The following MN1 variants were observed in gnomAD, a reference collection of about 807,000 sequenced individuals.
MN1 encodes the protein MN1 proto-oncogene, transcriptional regulator.
Under a neutral mutation model 86.9 loss-of-function variants are expected in MN1, and 19 were observed. The observed-to-expected ratio is 0.22, with a 90% confidence interval of 0.15 to 0.32. MN1 has a LOEUF of 0.32. Ranked by LOEUF, MN1 falls within the 10% of genes least tolerant of loss-of-function variation. MN1 has a pLI of 1.00. For synonymous variants in MN1, 928 were observed against 849.6 expected (o/e 1.09, Z -1.60); for missense variants, 1,841 against 1,862.0 (o/e 0.99, Z 0.21).
At chr22:27,785,402 GTCC>G (rs1933114971) in intron 1 of MN1, among the ~76,000 whole-genome samples, 1 of 152,178 alleles carries the variant, frequency 6.6e-6, no homozygotes, top group Non-Finnish European at 1.5e-5. Context: ...CACCAAAGGA[GTCC>G]TCCCCCACAT....
intron 1 of MN1, among the ~76,000 whole-genome samples, chr22:27,769,872 T>A (rs1330385977): frequency 1.3e-5 from 2 of 150,438 alleles, no homozygotes; most frequent in Non-Finnish European, 1.5e-5. Flanking sequence ...AATTTTTTTT[T>A]AATCATCTGC....
intron 1 of MN1, among the ~76,000 whole-genome samples, chr22:27,770,088 C>T (rs895159958): frequency 3.3e-5 from 5 of 152,196 alleles, no homozygotes; most frequent in Admixed American, 2.6e-4. Flanking sequence ...GCACTGACCA[C>T]GCACAGTTTC....
At chr22:27,780,428 G>A (rs977293228) in intron 1 of MN1, among the ~76,000 whole-genome samples, 2 of 152,170 alleles carry the variant, frequency 1.3e-5, no homozygotes, top group Non-Finnish European at 2.9e-5. Flanking sequence ...TGGCTCCAGG[G>A]TGCCGGAGCC....
intron 1 of MN1, among the ~76,000 whole-genome samples, chr22:27,764,327 G>C (rs1371324284): frequency 6.6e-6 from 1 of 152,160 alleles, no homozygotes; most frequent in Admixed American, 6.5e-5. Flanking sequence ...CCATGGGAAC[G>C]GTACCTTGAG....
At position 27,798,418 on chromosome 22, in the gene MN1, A is replaced by T; in HGVS notation, c.2126T>A (p.Leu709Gln). Residue 709 changes from leucine to glutamine, a missense_variant, in exon 1 of 2, where the codon CTG (leucine) becomes CAG (glutamine). Coordinates refer to ENST00000302326, the MANE Select transcript of MN1 (RefSeq NM_002430.3). The stretch of plus-strand genomic sequence containing the variant: ...CGCCCCGGGCGACTGCAGCTGACCC[A>T]GGCCTCCCAGACTGCCCCCGAACTG... ...GLQFGGSLGG[L>Q]GQLQSPGAGV... 1.3e-6 allele frequency: 2 copies of T among 1,539,724 alleles called. No individual in the cohort carries two copies. The highest frequency in any genetic ancestry group is 8.7e-7 in the Non-Finnish European group (1 of 1,152,182).
intron 1 of MN1, among the ~76,000 whole-genome samples, chr22:27,791,574 C>T (rs923199570): frequency 3.3e-5 from 5 of 152,018 alleles, no homozygotes; most frequent in African/African-American, 9.7e-5. Context: ...CCACCCCCTC[C>T]GACAAACAGA....
rs1253285822 is a variant in MN1 at position 27,799,576 on chromosome 22, A to G, written c.968T>C (p.Met323Thr). The change falls in exon 1 of 2, where the codon ATG (methionine) becomes ACG (threonine). Residue 323 changes from methionine (M) to threonine (T), a missense_variant. Met to Thr is a moderately conservative substitution (Grantham distance 81, BLOSUM62 -1). Transcript: ENST00000302326. ...CACTGAGGGCTCCAGACCCACAGGCATCTTTCTGGCCCCACTGAACCTCTC... is the reference window on the plus strand; with the variant it reads ...CACTGAGGGCTCCAGACCCACAGGCGTCTTTCTGGCCCCACTGAACCTCTC... ...FFERFSGARK[M>T]PVGLEPSVGS... The G allele has an allele frequency of 2.6e-5, 39 of 1,500,572 alleles. No individual in the cohort carries two copies. Among genetic ancestry groups the G allele is most frequent in the Non-Finnish European group, 3.4e-5 (38 of 1,122,172 alleles). The allele number at this position is 1,500,572 out of a possible 1,614,324, so 93.0% of individuals were successfully genotyped here.
At chr22:27,791,328 A>G (rs1933208317) in intron 1 of MN1, among the ~76,000 whole-genome samples, 1 of 152,118 alleles carries the variant, frequency 6.6e-6, no homozygotes, top group Non-Finnish European at 1.5e-5. Flanking sequence ...GCACTCATGT[A>G]TACATCAACA....
At chr22:27,793,278 A>G (rs777672713) in intron 1 of MN1, among the ~76,000 whole-genome samples, 4 of 151,982 alleles carry the variant, frequency 2.6e-5, no homozygotes, top group Non-Finnish European at 5.9e-5. Flanking sequence ...ATTATCTATA[A>G]TCTATCATTA....
intron 1 of MN1, among the ~76,000 whole-genome samples, chr22:27,789,316 T>C (rs1933181253): frequency 6.6e-6 from 1 of 152,206 alleles, no homozygotes; most frequent in African/African-American, 2.4e-5. Context: ...CCCTAAACTA[T>C]TTCCCAACAC....
At chr22:27,775,171 AGCGGTAGCT>A (rs1427389233) in intron 1 of MN1, among the ~76,000 whole-genome samples, 1 of 152,194 alleles carries the variant, frequency 6.6e-6, no homozygotes, top group Non-Finnish European at 1.5e-5. Context: ...ATGGGTCCAC[AGCGGTAGCT>A]GCTTCACAGC....
Position 27,797,860 on chromosome 22 carries a change from C to T in MN1, c.2684G>A (p.Gly895Glu). 1.3e-6 allele frequency: 2 copies of T among 1,584,432 alleles called. No individual in the cohort carries two copies. The highest frequency in any genetic ancestry group is 2.2e-5 in the East Asian group (1 of 44,552). ...PGAPGPGGPS[G>E]TSSSGSKASG... ...GGCTTTGGAGCCGCTGCTACTGGTC[C>T]CGGACGGGCCTCCGGGTCCTGGGGC... The change falls in exon 1 of 2, where the codon GGG (glycine) becomes GAG (glutamate). Residue 895 changes from glycine to glutamate, a missense_variant. Gly to Glu is a moderately conservative substitution (Grantham distance 98, BLOSUM62 -2). Transcript: ENST00000302326.
At chr22:27,782,332 C>G (rs1254044089) in intron 1 of MN1, among the ~76,000 whole-genome samples, 3 of 152,212 alleles carry the variant, frequency 2.0e-5, no homozygotes, top group Non-Finnish European at 4.4e-5. Context: ...CGGCCCCGCC[C>G]TATGACATTG....
In MN1 at chr22:27,797,159, TGCCCGGATG is replaced by T. The variant is rs757243759; in HGVS notation, c.3376_3384del (p.His1126_Gly1128del). 6 of 1,563,826 alleles carry T rather than the reference TGCCCGGATG, an allele frequency of 3.8e-6. No homozygotes were observed. Among genetic ancestry groups the T allele is most frequent in the Non-Finnish European group, 5.2e-6 (6 of 1,157,624 alleles). On this transcript the variant is annotated inframe_deletion, in exon 1 of 2. Coordinates refer to ENST00000302326, the MANE Select transcript of MN1 (RefSeq NM_002430.3). ...GTGCGGACCTGCTCCAGGCCCGGAG[TGCCCGGATG>T]GCCCGGGCCCCCACCGCCGCCGTAG...
rs1187843456 is a variant in MN1, at chr22:27,799,648, T to G, written c.896A>C (p.Gln299Pro). 14 of 1,549,322 alleles carry G rather than the reference T, an allele frequency of 9.0e-6. No individual in the cohort carries two copies. The highest frequency in any genetic ancestry group is 1.1e-5 in the Non-Finnish European group (13 of 1,146,254). Residue 299 changes from glutamine to proline, a missense_variant, in exon 1 of 2, where the codon CAG (glutamine) becomes CCG (proline). Transcript: ENST00000302326. ...HAQPPQQQPQ[Q>P]QQQPQQQQQQ... ...CTGCTGCTGCTGGGGCTGCTGCTGC[T>G]GCTGGGGCTGCTGCTGCGGTGGCTG...
chr22:27,784,379 G>T (rs536308462), intron 1 of MN1, among the ~76,000 whole-genome samples: 13 of 152,290 alleles, frequency 8.5e-5, no homozygotes, highest in Middle Eastern at 3.4e-3. Context: ...CAGCCTCAAT[G>T]TGGATGGACT....
At chr22:27,754,937 G>A (rs565542015) in intron 1 of MN1, among the ~76,000 whole-genome samples, 1 of 152,336 alleles carries the variant, frequency 6.6e-6, no homozygotes, top group African/African-American at 2.4e-5. Context: ...CTGTGGCCAT[G>A]TGGAGAAGGG....
intron 1 of MN1, among the ~76,000 whole-genome samples, chr22:27,764,559 G>C (rs1568972787): frequency 1.3e-5 from 2 of 152,298 alleles, no homozygotes; most frequent in South Asian, 2.1e-4. Flanking sequence ...TCCTCTCTGA[G>C]GCTACAGGTA....
intron 1 of MN1, among the ~76,000 whole-genome samples, chr22:27,785,461 T>C (rs1033293232): frequency 1.3e-5 from 2 of 152,212 alleles, no homozygotes; most frequent in African/African-American, 4.8e-5. Context: ...AATGCAATAC[T>C]TTTTCTTTTT....
Sources: allele counts gnomAD v4.1 joint callset (sites outside exome capture counted in the v4.1 genomes callset), GRCh38; gene constraint gnomAD v4.1.1; transcripts MANE v1.5; gene names NCBI Gene and HGNC (gene_info 2026-07-23, HGNC 2026-07-21).